FYB1: variants seen among roughly 807,000 people sequenced by gnomAD.
FYB1 encodes the protein FYN binding protein 1.
FYB1 carries 41 observed loss-of-function variants against 94.1 expected under a neutral mutation model. The observed-to-expected ratio is 0.44, with a 90% CI of 0.34 to 0.57. The LOEUF is 0.57. Among genes scored for constraint, FYB1 ranks in the 20% least tolerant of loss-of-function variants. The pLI is 0.02. For missense variants in FYB1, 1,050 were observed against 976.8 expected, an observed-to-expected ratio of 1.07 and a Z score of -1.00; for synonymous variants, 367 against 353.2, an observed-to-expected ratio of 1.04 and a Z score of -0.44.
At chr5:39,171,304 C>A (rs1403857458) in intron 2 of FYB1, among the ~76,000 whole-genome samples, 1 of 151,706 alleles carries the variant, frequency 6.6e-6, no homozygotes, top group Admixed American at 6.6e-5. Flanking sequence ...AAAAAGTAAA[C>A]CCTGAAGATA....
intron 2 of FYB1, among the ~76,000 whole-genome samples, chr5:39,190,065 G>A (rs1480651360): frequency 2.0e-5 from 3 of 152,300 alleles, no homozygotes; most frequent in East Asian, 1.9e-4. Flanking sequence ...CTGATTTTAA[G>A]GAGCACGGTA....
intron 3 of FYB1, among the ~76,000 whole-genome samples, chr5:39,152,657 C>T (rs1743347353): frequency 6.6e-6 from 1 of 152,122 alleles, no homozygotes; most frequent in South Asian, 2.1e-4. Context: ...CTCGCTTTTT[C>T]CTTTACCAAC....
chr5:39,167,021 A>G (rs1744801154), intron 2 of FYB1, among the ~76,000 whole-genome samples: 1 of 152,170 alleles, frequency 6.6e-6, no homozygotes, highest in Non-Finnish European at 1.5e-5. Flanking sequence ...ATGATAAATC[A>G]GGTTTTAGAG....
intron 9 of FYB1, among the ~76,000 whole-genome samples, chr5:39,133,205 G>A (rs775097221): frequency 6.6e-6 from 1 of 152,180 alleles, no homozygotes; most frequent in East Asian, 1.9e-4. Context: ...AATGAAGATT[G>A]TTTCCTTTGA....
In FYB1 at chr5:39,134,355, A is replaced by G. The variant is rs1210968576; in HGVS notation, c.1676-6T>C. On this transcript the variant is annotated splice_polypyrimidine_tract_variant and splice_region_variant and intron_variant, in intron 8 of 18. Coordinates refer to ENST00000512982, the MANE Select transcript of FYB1 (RefSeq NM_001465.6). Reference sequence around the variant, plus strand: ...AGTTGTTTTAATATAGCCATCTACCAAAAAGGGAAATATTTATGTTCAGGC... The same window carrying G: ...AGTTGTTTTAATATAGCCATCTACCGAAAAGGGAAATATTTATGTTCAGGC... 34 of 1,586,880 alleles carry G rather than the reference A, an allele frequency of 2.1e-5. No homozygotes were observed. Among genetic ancestry groups the G allele is most frequent in the Non-Finnish European group, 2.7e-5 (31 of 1,161,516 alleles).
intron 1 of FYB1, among the ~76,000 whole-genome samples, chr5:39,245,293 T>C (rs769185048): frequency 1.3e-5 from 2 of 152,156 alleles, no homozygotes; most frequent in Non-Finnish European, 2.9e-5. Context: ...ACTTAGCAGG[T>C]AGTTAATAAA....
At chr5:39,180,306 C>G (rs1443440165) in intron 2 of FYB1, among the ~76,000 whole-genome samples, 3 of 152,150 alleles carry the variant, frequency 2.0e-5, no homozygotes, top group African/African-American at 7.2e-5. Context: ...TCTACTCAAG[C>G]CTTGCCTCCT....
intron 2 of FYB1, among the ~76,000 whole-genome samples, chr5:39,161,275 T>C (rs1744226002): frequency 6.6e-6 from 1 of 152,176 alleles, no homozygotes; most frequent in Admixed American, 6.5e-5. Context: ...TTCTTTTTCT[T>C]TTGTCCTTTT....
chr5:39,187,423 T>C (rs1746929924), intron 2 of FYB1, among the ~76,000 whole-genome samples: 1 of 152,236 alleles, frequency 6.6e-6, no homozygotes, highest in African/African-American at 2.4e-5. Context: ...AAGTACCGTA[T>C]AAGCCTATTT....
chr5:39,156,556 T>A (rs1743776681), intron 2 of FYB1, among the ~76,000 whole-genome samples: 1 of 152,232 alleles, frequency 6.6e-6, no homozygotes, highest in Non-Finnish European at 1.5e-5. Flanking sequence ...TTGAACATAC[T>A]CTTCCTCATC....
rs184550762 is a variant in FYB1 at position 39,249,518 on chromosome 5, G to A, written c.-28+24885C>T. 8.7e-4 allele frequency among the ~76,000 whole-genome samples: 132 copies of A among 152,264 alleles called. 3 individuals carry two copies. The highest frequency in any genetic ancestry group is 3.0e-3 in the African/African-American group (123 of 41,546). ...TTGGCCTTTAGGAGCTATATGGAGG[G>A]TTGGAGCCAGAAATTTACATAATTA... On this transcript the variant is annotated intron_variant, in intron 1 of 1. Transcript: ENST00000510188.
intron 2 of FYB1, among the ~76,000 whole-genome samples, chr5:39,165,551 T>C (rs1374610130): frequency 6.6e-6 from 1 of 152,130 alleles, no homozygotes; most frequent in Non-Finnish European, 1.5e-5. Flanking sequence ...AAAGAAAACC[T>C]AGGAAAAACT....
In FYB1 at chr5:39,139,259, G is replaced by T. The variant is rs1269727096; in HGVS notation, c.1340-7C>A. 2.1e-6 allele frequency: 3 copies of T among 1,449,146 alleles called. No homozygotes were observed. The highest frequency in any genetic ancestry group is 2.8e-6 in the Non-Finnish European group (3 of 1,072,756). The allele number at this position is 1,449,146 out of a possible 1,614,324, so 89.8% of individuals were successfully genotyped here. On this transcript the variant is annotated splice_region_variant and splice_polypyrimidine_tract_variant and intron_variant, in intron 4 of 18. Transcript: ENST00000512982. ...TCATCTAGATTTCCAGCACCTAAAA[G>T]ATTAAAAAAATAAAATTTAATACAT...
intron 2 of FYB1, among the ~76,000 whole-genome samples, chr5:39,175,576 G>A (rs1745647258): frequency 6.6e-6 from 1 of 152,152 alleles, no homozygotes; most frequent in Non-Finnish European, 1.5e-5. Flanking sequence ...TTAATAATAG[G>A]CTCAACAATT....
chr5:39,263,126 AG>A (rs1166732635), intron 1 of FYB1, among the ~76,000 whole-genome samples: 1 of 151,282 alleles, frequency 6.6e-6, no homozygotes, highest in South Asian at 2.1e-4. Flanking sequence ...ATGAGAGAAA[AG>A]AAAGGGCGGA....
intron 1 of FYB1, among the ~76,000 whole-genome samples, chr5:39,255,475 CT>C (rs373418347): frequency 1.3e-5 from 2 of 148,782 alleles, no homozygotes; most frequent in African/African-American, 5.0e-5. Flanking sequence ...ACTTCAGTAC[CT>C]TTTTTTATAC....
intron 1 of FYB1, chr5:39,270,785 A>AT: frequency 2.2e-6 from 1 of 453,636 alleles, no homozygotes. Context: ...TCTTGTTATT[A>AT]TTTTTCAATA....
chr5:39,201,304 G>C (rs1748295110), intron 2 of FYB1, among the ~76,000 whole-genome samples: 1 of 152,146 alleles, frequency 6.6e-6, no homozygotes, highest in Non-Finnish European at 1.5e-5. Flanking sequence ...GCCATTGTAG[G>C]ATGTTCAATA....
chr5:39,251,133 T>C (rs538005182), intron 1 of FYB1, among the ~76,000 whole-genome samples: 2 of 152,278 alleles, frequency 1.3e-5, no homozygotes, highest in Non-Finnish European at 2.9e-5. Flanking sequence ...ATTTGTTGTT[T>C]AAAGTTTTAA....
Sources: allele counts gnomAD v4.1 joint callset (sites outside exome capture counted in the v4.1 genomes callset), GRCh38; gene constraint gnomAD v4.1.1; transcripts MANE v1.5; gene names NCBI Gene and HGNC (gene_info 2026-07-23, HGNC 2026-07-21).